The following NRDE2 variants were observed in gnomAD, a reference collection of about 807,000 sequenced individuals.
NRDE2 encodes nuclear exosome regulator NRDE2.
NRDE2 carries 76 observed loss-of-function variants against 124.2 expected under a neutral mutation model. The ratio of observed to expected loss-of-function variants is 0.61; its 90% CI spans 0.51 to 0.74. The LOEUF (loss-of-function observed/expected upper bound fraction) is 0.74. NRDE2 is among the 30% of genes least tolerant of loss of function. The pLI is 0.00. For missense variants in NRDE2, 1,314 were observed against 1,417.3 expected, an observed-to-expected ratio of 0.93 and a Z score of 1.17; for synonymous variants, 489 against 528.1, an observed-to-expected ratio of 0.93 and a Z score of 1.01.
chr14:90,285,189 T>C (rs572209260), intron 12 of NRDE2, among the ~76,000 whole-genome samples: 29 of 149,498 alleles, frequency 1.9e-4, no homozygotes, highest in Non-Finnish European at 4.1e-4. Flanking sequence ...GAGAATTGCT[T>C]GAACCTGGGA....
intron 3 of NRDE2, 58 bp downstream of exon 3, chr14:90,316,519 AT>A: frequency 5.7e-6 from 7 of 1,237,190 alleles, no homozygotes; most frequent in Non-Finnish European, 8.1e-6. Context: ...TGCGGCAACA[AT>A]TAAGGGAGAA....
intron 8 of NRDE2, among the ~76,000 whole-genome samples, chr14:90,295,438 A>G (rs1811451696): frequency 6.6e-6 from 1 of 152,198 alleles, no homozygotes; most frequent in Admixed American, 6.5e-5. Flanking sequence ...AGAAAACTGA[A>G]TGTATTTATC....
intron 3 of NRDE2, among the ~76,000 whole-genome samples, chr14:90,315,058 T>C (rs1447216981): frequency 6.6e-6 from 1 of 151,246 alleles, no homozygotes; most frequent in African/African-American, 2.4e-5. Flanking sequence ...ATGCCTGTAA[T>C]CCTAGCTACT....
At chr14:90,331,619 G>A (rs1354830084) in intron 1 of NRDE2, among the ~76,000 whole-genome samples, 2 of 152,206 alleles carry the variant, frequency 1.3e-5, no homozygotes, top group African/African-American at 4.8e-5. Flanking sequence ...GCATCTGCTG[G>A]TCTTTCTCCA....
At position 90,270,424 on chromosome 14, in the gene NRDE2, T is replaced by C. The variant is rs1046064411; in HGVS notation, c.*7912A>G. On this transcript the variant is annotated 3_prime_UTR_variant, in exon 14 of 14. Transcript: ENST00000354366. The stretch of plus-strand genomic sequence containing the variant: ...ATCAGGAAAGAGTCTATATGTGCTC[T>C]TGGGATGGTGGTTGGCCTGGACAGG... 1 of 1,510,784 alleles carries C rather than the reference T, an allele frequency of 6.6e-7. No individual in the cohort carries two copies. Among genetic ancestry groups the C allele is most frequent in the Middle Eastern group, 1.7e-4 (1 of 5,776 alleles). The allele number at this position is 1,510,784 out of a possible 1,614,324, so 93.6% of individuals were successfully genotyped here. A position where few individuals can be genotyped will look rare whatever the true frequency, so the allele number is the denominator to read the frequency against.
chr14:90,270,122 T>A lies in NRDE2; in HGVS notation c.*8214A>T. On this transcript the variant is annotated 3_prime_UTR_variant, in exon 14 of 14. Transcript: ENST00000354366. ...GACTGAAACTTCGTATGTAAGGAGA[T>A]GGGCTGAGGCCTCTGAGCCATGGCC... The A allele has an allele frequency of 6.7e-7, 1 of 1,497,624 alleles. No individual in the cohort carries two copies. 92.8% of individuals were successfully genotyped at this position (1,497,624 alleles called of 1,614,324 possible).
chr14:90,315,517 A>C (rs1228632744), intron 3 of NRDE2, among the ~76,000 whole-genome samples: 1 of 152,202 alleles, frequency 6.6e-6, no homozygotes, highest in Non-Finnish European at 1.5e-5. Context: ...GCAATAATTC[A>C]GGTAGTTTCA....
intron 4 of NRDE2, among the ~76,000 whole-genome samples, chr14:90,311,185 T>C (rs1254480642): frequency 6.6e-6 from 1 of 152,256 alleles, no homozygotes; most frequent in Non-Finnish European, 1.5e-5. Context: ...CTCTTGGCTT[T>C]ATATTCTAAG....
At position 90,288,637 on chromosome 14, in the gene NRDE2, A is replaced by C; in HGVS notation, c.2738T>G (p.Phe913Cys). The C allele has an allele frequency of 6.2e-7, 1 of 1,614,148 alleles. No homozygotes were observed. Among genetic ancestry groups the C allele is most frequent in the Non-Finnish European group, 8.5e-7 (1 of 1,180,044 alleles). Reference sequence around the variant, plus strand: ...ATCAATCCCTATGGTCAAATACTGGAAGAGCATGAAGCATTTAGCCAGGCT... The same window carrying C: ...ATCAATCCCTATGGTCAAATACTGGCAGAGCATGAAGCATTTAGCCAGGCT... ...LISLAKCFML[F>C]QYLTIGIDAA... The change falls in exon 11 of 14, where the codon TTC becomes TGC. Residue 913 changes from phenylalanine (F) to cysteine (C), a missense_variant. By Grantham distance (205) the Phe-to-Cys change is radical. Coordinates refer to ENST00000354366, the MANE Select transcript of NRDE2 (RefSeq NM_017970.4).
chr14:90,287,806 C>T (rs948155165), intron 11 of NRDE2, among the ~76,000 whole-genome samples: 1 of 152,078 alleles, frequency 6.6e-6, no homozygotes, highest in African/African-American at 2.4e-5. Context: ...AGAGAGGGAG[C>T]TATGAGAGGG....
intron 1 of NRDE2, among the ~76,000 whole-genome samples, chr14:90,324,213 C>A (rs1885338191): frequency 6.6e-6 from 1 of 151,918 alleles, no homozygotes; most frequent in African/African-American, 2.4e-5. Context: ...GCCATTGGGA[C>A]TGAGGGGAAA....
chr14:90,309,335 T>C (rs916441707), intron 4 of NRDE2, among the ~76,000 whole-genome samples: 3 of 151,114 alleles, frequency 2.0e-5, no homozygotes, highest in Non-Finnish European at 2.9e-5. Flanking sequence ...TAGCCGGGCA[T>C]GGTAGCACTC....
chr14:90,322,562 G>C (rs186110014), intron 1 of NRDE2, among the ~76,000 whole-genome samples: 1 of 151,980 alleles, frequency 6.6e-6, no homozygotes, highest in East Asian at 1.9e-4. Context: ...CATTATCTAG[G>C]TATAAAGTAC....
chr14:90,297,663 G>A (rs976381945), intron 8 of NRDE2, among the ~76,000 whole-genome samples: 1 of 152,186 alleles, frequency 6.6e-6, no homozygotes, highest in African/African-American at 2.4e-5. Context: ...GTCGGGCGTG[G>A]TGGCTCACAC....
Position 90,272,081 on chromosome 14 carries a change from A to G in NRDE2, c.*6255T>C. The G allele has an allele frequency of 2.3e-6, 1 of 436,080 alleles. No individual in the cohort carries two copies. The highest frequency in any genetic ancestry group is 5.7e-5 in the East Asian group (1 of 17,500). The allele number at this position is 436,080 out of a possible 1,614,324, so 27.0% of individuals were successfully genotyped here. ...CTAACTTTTTGTATTTTTAGTAGAGATGGGGTTTCACCGTGTTGGCCAGGC... is the reference window on the plus strand; with the variant it reads ...CTAACTTTTTGTATTTTTAGTAGAGGTGGGGTTTCACCGTGTTGGCCAGGC... On this transcript the variant is annotated 3_prime_UTR_variant, in exon 14 of 14. Coordinates refer to ENST00000354366, the MANE Select transcript of NRDE2 (RefSeq NM_017970.4). The surrounding 1 kb of genome is among the most constrained non-coding windows in gnomAD (Gnocchi z 4.5).
At chr14:90,315,538 C>T (rs1885014170) in intron 3 of NRDE2, among the ~76,000 whole-genome samples, 1 of 152,152 alleles carries the variant, frequency 6.6e-6, no homozygotes, top group South Asian at 2.1e-4. Flanking sequence ...CCATATACCA[C>T]CTGTCCCACC....
At position 90,278,432 on chromosome 14, in the gene NRDE2, G is replaced by A. The variant is rs201062537; in HGVS notation, c.3399C>T (p.Phe1133=). The change falls in exon 14 of 14, where the codon TTC becomes TTT. Residue 1133 remains phenylalanine, a synonymous_variant. Transcript: ENST00000354366. ...KVLYLDAVEY[F]PDEMQEILDL... ...CCAGGATCTCCTGCATCTCATCGGG[G>A]AAATACTCCACGGCGTCCAGGTACA... 14 of 1,614,004 alleles carry A rather than the reference G, an allele frequency of 8.7e-6. No individual in the cohort carries two copies. Among genetic ancestry groups the A allele is most frequent in the Non-Finnish European group, 1.2e-5 (14 of 1,180,012 alleles).
Position 90,331,932 on chromosome 14 carries a change from C to G in NRDE2, c.-28G>C. ...CCACAGGCCGTACCTCCGTTCTTCT[C>G]TATAGGGATGGCGCCGGCGAGCGAG... On this transcript the variant is annotated 5_prime_UTR_variant, in exon 1 of 14. Coordinates refer to ENST00000354366, the MANE Select transcript of NRDE2 (RefSeq NM_017970.4). 6.2e-7 allele frequency: 1 copy of G among 1,613,522 alleles called. No individual in the cohort carries two copies. Among genetic ancestry groups the G allele is most frequent in the African/African-American group, 1.3e-5 (1 of 75,054 alleles).
chr14:90,279,194 C>A (rs1245117024), intron 12 of NRDE2, 61 bp from the exon 13 acceptor site: 5 of 1,304,174 alleles, frequency 3.8e-6, no homozygotes, highest in Non-Finnish European at 5.6e-6. Flanking sequence ...TAAGGCTACA[C>A]AAACGCCCCT....
Sources: gnomAD v4.1 joint callset for allele counts (sites outside exome capture counted in the v4.1 genomes callset) on GRCh38, gnomAD v4.1.1 for gene constraint, Gnocchi (gnomAD v3.1) non-coding constraint, MANE v1.5 for transcripts, NCBI Gene and HGNC (gene_info 2026-07-23, HGNC 2026-07-21) for gene names.